RPRD1B: variants seen among roughly 807,000 people sequenced by gnomAD.
RPRD1B encodes the protein regulation of nuclear pre-mRNA domain containing 1B, also known as regulation of nuclear pre-mRNA domain-containing protein 1B.
A neutral mutation model predicts 41.5 loss-of-function variants in RPRD1B; 11 were observed. That is an observed-to-expected ratio of 0.27 (90% CI 0.17 to 0.44). The LOEUF is 0.44. Ranked by LOEUF, RPRD1B falls within the 20% of genes least tolerant of loss-of-function variation. RPRD1B has a pLI of 1.00. For synonymous variants in RPRD1B, 158 were observed against 155.6 expected, an observed-to-expected ratio of 1.02 and a Z score of -0.12; for missense variants, 248 against 389.9, an observed-to-expected ratio of 0.64 and a Z score of 3.06.
At chr20:38,064,154 C>G (rs995778820) in intron 5 of RPRD1B, among the ~76,000 whole-genome samples, 1 of 152,150 alleles carries the variant, frequency 6.6e-6, no homozygotes, top group Non-Finnish European at 1.5e-5. Context: ...GTCCTTTATC[C>G]TCTGTGACTG....
At chr20:38,038,495 T>G (rs201554105) in intron 1 of RPRD1B, among the ~76,000 whole-genome samples, 88 of 109,392 alleles carry the variant, frequency 8.0e-4, no homozygotes, top group East Asian at 2.4e-3. Context: ...GTTTTGTTTT[T>G]TTTTTTTTTT....
intron 5 of RPRD1B, among the ~76,000 whole-genome samples, chr20:38,064,367 G>T (rs568055955): frequency 5.3e-4 from 81 of 152,282 alleles, no homozygotes; most frequent in African/African-American, 1.7e-3. Flanking sequence ...GAGATACTGT[G>T]TTGGGGATTC....
intron 3 of RPRD1B, among the ~76,000 whole-genome samples, chr20:38,053,546 G>A (rs1013341986): frequency 3.9e-5 from 6 of 152,230 alleles, no homozygotes; most frequent in Admixed American, 3.9e-4. Context: ...TTTAAGAGAG[G>A]CCCGAGTGCC....
At chr20:38,049,805 C>G (rs1388756730) in intron 3 of RPRD1B, 1 of 471,170 alleles carries the variant, frequency 2.1e-6, no homozygotes, top group Non-Finnish European at 4.4e-6. Flanking sequence ...CCTGGAGGAT[C>G]GAGTCCAAGT....
intron 2 of RPRD1B, among the ~76,000 whole-genome samples, chr20:38,044,349 T>G (rs2074099564): frequency 6.7e-6 from 1 of 149,716 alleles, no homozygotes; most frequent in South Asian, 2.1e-4. Context: ...AATTCTAAGC[T>G]CCCAGAAATA....
intron 5 of RPRD1B, among the ~76,000 whole-genome samples, chr20:38,062,840 T>C (rs758016988): frequency 0.1 from 3,177 of 30,858 alleles, 310 homozygotes; most frequent in African/African-American, 0.37. Flanking sequence ...CCCCCCCCCT[T>C]TTTTTTTTTT....
chr20:38,074,702 G>C (rs1830073945), intron 6 of RPRD1B, among the ~76,000 whole-genome samples: 1 of 152,112 alleles, frequency 6.6e-6, no homozygotes, highest in Admixed American at 6.5e-5. Flanking sequence ...TATTACTCCT[G>C]CCTGCCAGAA....
At chr20:38,036,970 C>T (rs1158746205) in intron 1 of RPRD1B, among the ~76,000 whole-genome samples, 1 of 152,124 alleles carries the variant, frequency 6.6e-6, no homozygotes, top group Non-Finnish European at 1.5e-5. Context: ...TACCTAGCTT[C>T]CGAATATCCA....
At chr20:38,086,713 C>T (rs773915727) in intron 6 of RPRD1B, among the ~76,000 whole-genome samples, 8 of 152,204 alleles carry the variant, frequency 5.3e-5, no homozygotes, top group Non-Finnish European at 1.0e-4. Flanking sequence ...CTTCCTCTGA[C>T]GCCTGCTCTT....
rs554458140 is a variant in RPRD1B at position 38,087,929 on chromosome 20, G to A, written c.832-1797G>A. On this transcript the variant is annotated intron_variant, in intron 6 of 6. Transcript: ENST00000373433. Reference sequence around the variant, plus strand: ...TTTGCTGGACACTGCGGAGCCTGGTGGATGCTGGGGGAAGCAGATGGGTCT... The same window carrying A: ...TTTGCTGGACACTGCGGAGCCTGGTAGATGCTGGGGGAAGCAGATGGGTCT... 9.8e-5 allele frequency among the ~76,000 whole-genome samples: 15 copies of A among 152,310 alleles called. No individual in the cohort carries two copies. In the South Asian group the frequency reaches 2.9e-3, roughly 29 times the overall value.
chr20:38,091,904 A>G lies in RPRD1B; in HGVS notation c.*2029A>G. ...AGAAATGAAACTGTAGCAATTATGT[A>G]AATGAATGTGTTGGCCTCTTAATAC... On this transcript the variant is annotated 3_prime_UTR_variant, in exon 7 of 7. Transcript: ENST00000373433. 1.0e-6 allele frequency: 1 copy of G among 985,852 alleles called. No homozygotes were observed. Among genetic ancestry groups the G allele is most frequent in the Non-Finnish European group, 1.2e-6 (1 of 829,862 alleles). The allele number at this position is 985,852 out of a possible 1,614,324, so 61.1% of individuals were successfully genotyped here. A position where few individuals can be genotyped will look rare whatever the true frequency, so the allele number is the denominator to read the frequency against.
chr20:38,070,724 CCTT>C (rs1477326741), intron 6 of RPRD1B: 18 of 982,298 alleles, frequency 1.8e-5, no homozygotes, highest in Non-Finnish European at 1.9e-5. Context: ...TGCAGTTTTC[CCTT>C]CTTAACTGTG....
At chr20:38,081,629 T>G (rs1198749751) in intron 6 of RPRD1B, among the ~76,000 whole-genome samples, 1 of 152,196 alleles carries the variant, frequency 6.6e-6, no homozygotes, top group African/African-American at 2.4e-5. Context: ...TGTCTTATTC[T>G]GGCTCTCAAG....
chr20:38,039,593 G>A (rs544240023), intron 1 of RPRD1B, among the ~76,000 whole-genome samples: 4 of 151,228 alleles, frequency 2.6e-5, no homozygotes, highest in African/African-American at 4.9e-5. Context: ...TAGTAGAGAC[G>A]GGGTTTCTCC....
chr20:38,038,438 T>C (rs1053211938), intron 1 of RPRD1B, among the ~76,000 whole-genome samples: 12 of 151,350 alleles, frequency 7.9e-5, no homozygotes, highest in Non-Finnish European at 1.8e-4. Context: ...GCCTCCCAAG[T>C]AGCTGGGTTT....
At chr20:38,047,551 A>G (rs1156276832) in intron 2 of RPRD1B, among the ~76,000 whole-genome samples, 1 of 152,146 alleles carries the variant, frequency 6.6e-6, no homozygotes, top group African/African-American at 2.4e-5. Context: ...TCATGGTAAC[A>G]GTGCATGGTG....
intron 6 of RPRD1B, among the ~76,000 whole-genome samples, chr20:38,087,576 T>C (rs1443880061): frequency 6.6e-6 from 1 of 152,236 alleles, no homozygotes; most frequent in Non-Finnish European, 1.5e-5. Context: ...GTCCGTGTTC[T>C]GTAGTTGTTT....
intron 1 of RPRD1B, among the ~76,000 whole-genome samples, chr20:38,035,311 C>T (rs1195592521): frequency 6.6e-6 from 1 of 152,210 alleles, no homozygotes; most frequent in Non-Finnish European, 1.5e-5. Flanking sequence ...CTGCTCCAGA[C>T]ACCCTATATG....
Position 38,087,043 on chromosome 20 carries a change from G to GC in RPRD1B, c.832-2679dup, listed in dbSNP as rs200907420. Among the ~76,000 whole-genome samples the GC allele has an allele frequency of 9.3e-3, 1,411 of 151,848 alleles. 15 individuals are homozygous for GC. Among genetic ancestry groups the GC allele is most frequent in the African/African-American group, 0.028 (1,172 of 41,356 alleles). On this transcript the variant is annotated intron_variant, in intron 6 of 6. Coordinates refer to ENST00000373433, the MANE Select transcript of RPRD1B (RefSeq NM_021215.4). ...ACAATCTCAGCTCACCACAACCTCTGCCCCGCCGGGTTCAAGCAATTCTCC... is the reference window on the plus strand; with the variant it reads ...ACAATCTCAGCTCACCACAACCTCTGCCCCCGCCGGGTTCAAGCAATTCTCC...
Sources: allele counts gnomAD v4.1 joint callset (sites outside exome capture counted in the v4.1 genomes callset), GRCh38; gene constraint gnomAD v4.1.1; transcripts MANE v1.5; gene names NCBI Gene and HGNC (gene_info 2026-07-23, HGNC 2026-07-21).